The following OSTC variants were observed in gnomAD, a reference collection of about 807,000 sequenced individuals.
OSTC encodes the protein oligosaccharyltransferase complex non-catalytic subunit.
In OSTC, 16 loss-of-function variants were observed where a neutral mutation model predicts 16.4. The ratio of observed to expected loss-of-function variants is 0.98; its 90% CI spans 0.66 to 1.49. The LOEUF is 1.49. OSTC is among the 40% of genes most tolerant of loss of function. The probability of loss-of-function intolerance (pLI) is 0.00; values close to 1 mark genes in which losing one functional copy is unlikely to be tolerated. For synonymous variants in OSTC, 67 were observed against 68.5 expected (o/e 0.98, Z 0.11); for missense variants, 139 against 186.3 (o/e 0.75, Z 1.48).
At chr4:108,651,350 A>T (rs543116953) in intron 1 of OSTC, 4 of 152,566 alleles carry the variant, frequency 2.6e-5, no homozygotes, top group Non-Finnish European at 5.9e-5. Context: ...ATAAATATCA[A>T]TGGAATTTTC....
chr4:108,654,370 G>A (rs1381404043), intron 1 of OSTC, among the ~76,000 whole-genome samples: 1 of 152,192 alleles, frequency 6.6e-6, no homozygotes, highest in Non-Finnish European at 1.5e-5. Flanking sequence ...AAGTCAAGGA[G>A]GGTTGATGTA....
In OSTC at chr4:108,650,610, A is replaced by T. The variant is rs1218461537; in HGVS notation, c.-46A>T. 8 of 1,605,704 alleles carry T rather than the reference A, an allele frequency of 5.0e-6. No homozygotes were observed. The highest frequency in any genetic ancestry group is 2.6e-6 in the Non-Finnish European group (3 of 1,174,828). ...TAGGGAGGGCGGGCCTGTTTCCGGG[A>T]GGCGCGTGGGGCTTGAGGCCGAGAA... On this transcript the variant is annotated 5_prime_UTR_variant, in exon 1 of 4. Transcript: ENST00000361564.
At chr4:108,660,382 G>A (rs1212504310) in intron 3 of OSTC, among the ~76,000 whole-genome samples, 1 of 152,160 alleles carries the variant, frequency 6.6e-6, no homozygotes. Context: ...AGTGAGGAGA[G>A]ACAATGGACA....
chr4:108,652,842 A>C (rs1344158098), intron 1 of OSTC, among the ~76,000 whole-genome samples: 1 of 152,194 alleles, frequency 6.6e-6, no homozygotes, highest in East Asian at 1.9e-4. Context: ...GTTCGAGGCC[A>C]GCCTGGGCAA....
intron 3 of OSTC, among the ~76,000 whole-genome samples, chr4:108,666,875 C>G (rs918034452): frequency 6.8e-6 from 1 of 147,672 alleles, no homozygotes; most frequent in Non-Finnish European, 1.5e-5. Flanking sequence ...TGTGGTGGCA[C>G]GCGCCTGTAA....
chr4:108,661,079 G>A (rs1033408803), intron 3 of OSTC, among the ~76,000 whole-genome samples: 5 of 151,806 alleles, frequency 3.3e-5, no homozygotes, highest in Non-Finnish European at 5.9e-5. Context: ...TTAGCTGGGC[G>A]TGGTAGTGCA....
intron 3 of OSTC, among the ~76,000 whole-genome samples, chr4:108,660,390 A>G (rs546471081): frequency 3.3e-5 from 5 of 152,278 alleles, no homozygotes; most frequent in South Asian, 4.1e-4. Context: ...GAGACAATGG[A>G]CAGTTTTATA....
At chr4:108,658,072 C>T (rs1466568036) in intron 3 of OSTC, among the ~76,000 whole-genome samples, 1 of 151,830 alleles carries the variant, frequency 6.6e-6, no homozygotes, top group Non-Finnish European at 1.5e-5. Context: ...GCCAGGATTA[C>T]AGGCATGCAC....
intron 3 of OSTC, among the ~76,000 whole-genome samples, chr4:108,662,517 T>A (rs1295108035): frequency 2.6e-5 from 4 of 152,230 alleles, no homozygotes; most frequent in African/African-American, 9.6e-5. Context: ...ATAGTACTAC[T>A]TTTCAGTTTT....
intron 3 of OSTC, among the ~76,000 whole-genome samples, chr4:108,666,881 T>C (rs2110390172): frequency 6.6e-6 from 1 of 151,712 alleles, no homozygotes; most frequent in Non-Finnish European, 1.5e-5. Context: ...GGCACGCGCC[T>C]GTAATCCCAG....
At chr4:108,655,515 T>G (rs751233929) in intron 1 of OSTC, 49 bp from the exon 2 acceptor site, 2 of 1,225,538 alleles carry the variant, frequency 1.6e-6, no homozygotes, top group Non-Finnish European at 2.3e-6. Flanking sequence ...TAATCCTGTT[T>G]TCAAAAATTA....
chr4:108,655,048 A>G (rs1483673320), intron 1 of OSTC, among the ~76,000 whole-genome samples: 1 of 152,248 alleles, frequency 6.6e-6, no homozygotes, highest in East Asian at 1.9e-4. Flanking sequence ...TCATTTAGAT[A>G]TCATACAGTT....
At chr4:108,662,011 C>G (rs777563101) in intron 3 of OSTC, among the ~76,000 whole-genome samples, 50 of 152,180 alleles carry the variant, frequency 3.3e-4, no homozygotes, top group Non-Finnish European at 4.4e-5. Context: ...TTCCTACATT[C>G]AGGCAAGTCT....
intron 3 of OSTC, among the ~76,000 whole-genome samples, chr4:108,660,507 T>G (rs1309534417): frequency 6.6e-6 from 1 of 152,222 alleles, no homozygotes; most frequent in Non-Finnish European, 1.5e-5. Context: ...GGGTTGTAGT[T>G]ACTATCCCAG....
intron 1 of OSTC, chr4:108,652,074 T>G (rs965202183): frequency 4.6e-5 from 7 of 152,180 alleles, no homozygotes; most frequent in Non-Finnish European, 1.0e-4. Context: ...TAAACAAAAT[T>G]TAAAATGCAT....
At chr4:108,661,663 T>C (rs1282802082) in intron 3 of OSTC, among the ~76,000 whole-genome samples, 2 of 152,184 alleles carry the variant, frequency 1.3e-5, no homozygotes, top group Non-Finnish European at 2.9e-5. Context: ...AATGGCGCGG[T>C]CTCGGCTCAC....
intron 3 of OSTC, among the ~76,000 whole-genome samples, chr4:108,666,827 G>A (rs1008585884): frequency 2.0e-5 from 3 of 151,470 alleles, no homozygotes; most frequent in Admixed American, 6.6e-5. Flanking sequence ...CCAACATGGT[G>A]AAAACCTGTC....
At chr4:108,657,354 C>A in intron 2 of OSTC, 96 bp from the exon 3 acceptor site, 1 of 1,083,212 alleles carries the variant, frequency 9.2e-7, no homozygotes, top group Non-Finnish European at 1.3e-6. Context: ...AAATATAGCA[C>A]AAAAATGTTT....
chr4:108,662,167 C>T (rs576917319), intron 3 of OSTC, among the ~76,000 whole-genome samples: 2 of 152,148 alleles, frequency 1.3e-5, no homozygotes, highest in Non-Finnish European at 2.9e-5. Flanking sequence ...TAAGGATCTT[C>T]TGGATAAATC....
Sources: gnomAD v4.1 joint callset for allele counts (sites outside exome capture counted in the v4.1 genomes callset) on GRCh38, gnomAD v4.1.1 for gene constraint, MANE v1.5 for transcripts, NCBI Gene and HGNC (gene_info 2026-07-23, HGNC 2026-07-21) for gene names.